ZNF615: variants seen among roughly 807,000 people sequenced by gnomAD.
ZNF615 encodes the protein zinc finger protein 615.
In ZNF615, 15 loss-of-function variants were observed where a neutral mutation model predicts 15.3. The observed-to-expected ratio is 0.98, with a 90% CI of 0.66 to 1.51. The LOEUF (loss-of-function observed/expected upper bound fraction) is 1.51, where lower values mean the gene tolerates loss of function less well. ZNF615 is among the 40% of genes most tolerant of loss of function. The pLI, the probability that ZNF615 is intolerant of heterozygous loss-of-function variation, is 0.00. For synonymous variants in ZNF615, 268 were observed against 294.6 expected, an observed-to-expected ratio of 0.91 and a Z score of 0.92; for missense variants, 848 against 895.9, an observed-to-expected ratio of 0.95 and a Z score of 0.68.
At chr19:51,999,198 G>A (rs537027530) in intron 6 of ZNF615, among the ~76,000 whole-genome samples, 6 of 152,196 alleles carry the variant, frequency 3.9e-5, no homozygotes, top group Admixed American at 6.5e-5. Flanking sequence ...ATGCATTGTC[G>A]AAAGAAGTCA....
At chr19:52,002,446 T>G (rs1283140469) in intron 3 of ZNF615, 165 bp from the exon 4 acceptor site, 2 of 979,162 alleles carry the variant, frequency 2.0e-6, no homozygotes, top group Non-Finnish European at 3.2e-6. Context: ...TCTGTAACTG[T>G]GCGGTCATCC....
chr19:51,994,625 C>T lies in ZNF615; in HGVS notation c.484G>A (p.Gly162Ser). The T allele has an allele frequency of 6.2e-7, 1 of 1,613,216 alleles. No homozygotes were observed. The highest frequency in any genetic ancestry group is 8.5e-7 in the Non-Finnish European group (1 of 1,179,898). The change falls in exon 7 of 7, where the codon GGC (glycine) becomes AGC (serine). Residue 162 changes from glycine to serine, a missense_variant. Gly to Ser is a moderately conservative substitution (Grantham distance 56). Coordinates refer to ENST00000598071, the MANE Select transcript of ZNF615 (RefSeq NM_001199324.2). ...LSFENQKRSS[G>S]LKNSAEFNRD... is the part of the protein sequence containing the mutation. Reference sequence around the variant, plus strand: ...TTAAACTCAGCAGAGTTCTTTAGGCCAGAGCTCCTTTTCTGGTTTTCAAAA... The same window carrying T: ...TTAAACTCAGCAGAGTTCTTTAGGCTAGAGCTCCTTTTCTGGTTTTCAAAA...
In ZNF615 at chr19:51,991,374, G is replaced by A. The variant is rs1425342887; in HGVS notation, c.*1506C>T. 6.6e-6 allele frequency: 1 copy of A among 152,158 alleles called. No homozygotes were observed. Among genetic ancestry groups the A allele is most frequent in the East Asian group, 1.9e-4 (1 of 5,200 alleles). The allele number at this position is 152,158 out of a possible 1,614,324, so 9.4% of individuals were successfully genotyped here. On this transcript the variant is annotated 3_prime_UTR_variant, in exon 7 of 7. Transcript: ENST00000598071. Reference sequence around the variant, plus strand: ...ATAGGATTTTTATTTGTAACAGTAAGAAAAACCGGGAACAAAACTAATGTC... The same window carrying A: ...ATAGGATTTTTATTTGTAACAGTAAAAAAAACCGGGAACAAAACTAATGTC...
chr19:52,001,916 T>C lies in ZNF615; in HGVS notation c.143-8A>G, dbSNP rs1397925129. On this transcript the variant is annotated splice_polypyrimidine_tract_variant and splice_region_variant and intron_variant, in intron 4 of 6. Coordinates refer to ENST00000598071, the MANE Select transcript of ZNF615 (RefSeq NM_001199324.2). ...GTTTGCTGGCTTGATACCCTGTTCA[T>C]GGGAAATGACAGAAGATTTAGACAA... 1.2e-6 allele frequency: 2 copies of C among 1,613,986 alleles called. No homozygotes were observed. The highest frequency in any genetic ancestry group is 1.3e-5 in the African/African-American group (1 of 75,026).
In ZNF615 at chr19:51,992,679, C is replaced by A; in HGVS notation, c.*201G>T. ...AAAGGCTTTTATAGTCTGCCACATT[C>A]ATAGGATTTTTCTCAGTATACAATT... is the stretch of plus-strand genomic sequence containing the variant. On this transcript the variant is annotated 3_prime_UTR_variant, in exon 7 of 7. Transcript: ENST00000598071. The A allele has an allele frequency of 1.6e-6, 1 of 635,772 alleles. No homozygotes were observed. 39.4% of individuals were successfully genotyped at this position (635,772 alleles called of 1,614,324 possible).
rs1290231750 is a variant in ZNF615, at chr19:51,993,834, A to G, written c.1275T>C (p.Cys425=). The G allele has an allele frequency of 6.2e-7, 1 of 1,613,984 alleles. No individual in the cohort carries two copies. Among genetic ancestry groups the G allele is most frequent in the Admixed American group, 1.7e-5 (1 of 60,020 alleles). The change falls in exon 7 of 7, where the codon TGT becomes TGC. Residue 425 remains cysteine, a synonymous_variant. Coordinates refer to ENST00000598071, the MANE Select transcript of ZNF615 (RefSeq NM_001199324.2). ...ECGKGFSMKH[C]LMVHQRTHTG... ...TATGAGTTCGTTGATGTACCATGAG[A>G]CAGTGCTTCATTGAAAAGCCTTTTC... is the stretch of plus-strand genomic sequence containing the variant.
At chr19:52,007,238 A>C in intron 2 of ZNF615, 55 bp downstream of exon 2, 1 of 1,112,818 alleles carries the variant, frequency 9.0e-7, no homozygotes, top group Admixed American at 2.3e-5. Context: ...TACACGTCTA[A>C]AATTGAAATA....
At chr19:52,007,270 T>C in intron 2 of ZNF615, 23 bp downstream of exon 2, 1 of 1,281,976 alleles carries the variant, frequency 7.8e-7, no homozygotes, top group African/African-American at 1.5e-5. Flanking sequence ...TGACAAAGGT[T>C]ATCTTTGAGT....
chr19:52,005,636 T>G (rs1488633297), intron 2 of ZNF615, among the ~76,000 whole-genome samples: 1 of 152,164 alleles, frequency 6.6e-6, no homozygotes, highest in Non-Finnish European at 1.5e-5. Flanking sequence ...AGAAAAGCCA[T>G]ATGGTCACCT....
In ZNF615 at chr19:51,994,538, G is replaced by A; in HGVS notation, c.571C>T (p.Pro191Ser). 6.2e-7 allele frequency: 1 copy of A among 1,614,110 alleles called. No homozygotes were observed. Among genetic ancestry groups the A allele is most frequent in the Admixed American group, 1.7e-5 (1 of 60,016 alleles). Residue 191 changes from proline to serine, a missense_variant, in exon 7 of 7, where the codon CCT (proline) becomes TCT (serine). Coordinates refer to ENST00000598071, the MANE Select transcript of ZNF615 (RefSeq NM_001199324.2). ...TTATTAATAGGTTTTGCAATTGCAG[G>A]AAACTTCATTTCAGTATAAAATTGT... ...HKQFYTEMKFPAIAKPINKSQ... is the reference protein window; with the variant it reads ...HKQFYTEMKFSAIAKPINKSQ...
chr19:51,994,575 A>T lies in ZNF615; in HGVS notation c.534T>A (p.His178Gln). Reference protein sequence around the residue: ...EFNRDGKSLFHANHKQFYTEM... With the variant: ...EFNRDGKSLFQANHKQFYTEM... ...CAGTATAAAATTGTTTATGGTTAGCATGAAAAAGGGATTTCCCATCTCTAT... is the reference window on the plus strand; with the variant it reads ...CAGTATAAAATTGTTTATGGTTAGCTTGAAAAAGGGATTTCCCATCTCTAT... Residue 178 changes from histidine to glutamine, a missense_variant, in exon 7 of 7, where the codon CAT becomes CAA. Coordinates refer to ENST00000598071, the MANE Select transcript of ZNF615 (RefSeq NM_001199324.2). The T allele has an allele frequency of 6.2e-7, 1 of 1,614,120 alleles. No homozygotes were observed. The highest frequency in any genetic ancestry group is 8.5e-7 in the Non-Finnish European group (1 of 1,180,014).
Position 51,992,755 on chromosome 19 carries a change from C to A in ZNF615, c.*125G>T, listed in dbSNP as rs1336223806. The A allele has an allele frequency of 2.6e-6, 3 of 1,153,810 alleles. No homozygotes were observed. In the African/African-American group the frequency reaches 4.7e-5, roughly 18 times the overall value. The allele number at this position is 1,153,810 out of a possible 1,614,324, so 71.5% of individuals were successfully genotyped here. A position where few individuals can be genotyped will look rare whatever the true frequency, so the allele number is the denominator to read the frequency against. Reference sequence around the variant, plus strand: ...TTCTCAAATGTTTTGTACATGTTTTCTCTGACACAAAACATGAAGTAACTG... The same window carrying A: ...TTCTCAAATGTTTTGTACATGTTTTATCTGACACAAAACATGAAGTAACTG... On this transcript the variant is annotated 3_prime_UTR_variant, in exon 7 of 7. Transcript: ENST00000598071.
chr19:51,993,076 A>T lies in ZNF615; in HGVS notation c.2033T>A (p.Leu678His). The T allele has an allele frequency of 6.2e-7, 1 of 1,614,198 alleles. No individual in the cohort carries two copies. The highest frequency in any genetic ancestry group is 8.5e-7 in the Non-Finnish European group (1 of 1,180,016). Residue 678 changes from leucine (L) to histidine (H), a missense_variant, in exon 7 of 7, where the codon CTT (leucine) becomes CAT (histidine). By Grantham distance (99) the Leu-to-His change is moderately conservative (BLOSUM62 -3). Transcript: ENST00000598071. ...TGTGTGAATTCTCTGATGTGTAATA[A>T]GATCATTTTTGCGCAAAGAGAATTT... ...CGKFSLRKND[L>H]ITHQRIHTGE...
Position 52,003,915 on chromosome 19 carries a change from A to G in ZNF615, c.-189-15T>C. On this transcript the variant is annotated splice_polypyrimidine_tract_variant and intron_variant, in intron 2 of 6. Transcript: ENST00000598071. Reference sequence around the variant, plus strand: ...GCACCTGTGGGCTGAAGAGCAAATTACTCTGAGTGGTACATTCTTTTTAGG... The same window carrying G: ...GCACCTGTGGGCTGAAGAGCAAATTGCTCTGAGTGGTACATTCTTTTTAGG... 7.4e-7 allele frequency: 1 copy of G among 1,359,088 alleles called. No individual in the cohort carries two copies. Among genetic ancestry groups the G allele is most frequent in the Non-Finnish European group, 9.5e-7 (1 of 1,057,316 alleles). 84.2% of individuals were successfully genotyped at this position (1,359,088 alleles called of 1,614,324 possible). A position where few individuals can be genotyped will look rare whatever the true frequency, so the allele number is the denominator to read the frequency against.
rs746501068 is a variant in ZNF615, at chr19:51,994,725, G to C, written c.384C>G (p.Asn128Lys). 2 of 1,613,720 alleles carry C rather than the reference G, an allele frequency of 1.2e-6. No individual in the cohort carries two copies. The highest frequency in any genetic ancestry group is 1.7e-6 in the Non-Finnish European group (2 of 1,179,972). The change falls in exon 7 of 7, where the codon AAC becomes AAG. Residue 128 changes from asparagine (N) to lysine (K), a missense_variant. Physicochemically the swap from Asn to Lys is moderately conservative, Grantham distance 94. Coordinates refer to ENST00000598071, the MANE Select transcript of ZNF615 (RefSeq NM_001199324.2). ...CTTGCTTCAGCAGGAAATGACCTTT[G>C]TTCTGATTAACAATATTTCCAAACA... Reference protein sequence around the residue: ...QNMFGNIVNQNKGHFLLKQDC... With the variant: ...QNMFGNIVNQKKGHFLLKQDC...
chr19:51,996,492 G>A (rs2086444888), intron 6 of ZNF615, among the ~76,000 whole-genome samples: 1 of 151,708 alleles, frequency 6.6e-6, no homozygotes, highest in Non-Finnish European at 1.5e-5. Flanking sequence ...GGAATGAAGG[G>A]AAAAATTTAG....
At chr19:51,998,007 CACAA>C (rs986067065) in intron 6 of ZNF615, among the ~76,000 whole-genome samples, 4 of 152,320 alleles carry the variant, frequency 2.6e-5, no homozygotes, top group Middle Eastern at 3.4e-3. Context: ...ATTTCACTGT[CACAA>C]ACTGTAATCA....
chr19:52,001,842 T>C lies in ZNF615; in HGVS notation c.209A>G (p.Glu70Gly). The change falls in exon 5 of 7, where the codon GAA (glutamate) becomes GGA (glycine). Residue 70 changes from glutamate to glycine, a missense_variant. Transcript: ENST00000598071. ...ACAGATTCGAGAGTAGATTTCATCT[T>C]CTGTTGTGCAAGTTTCTTCTCCTCG... ...LERGEETCTT[E>G]DEIYSRICSD... The C allele has an allele frequency of 6.2e-7, 1 of 1,614,122 alleles. No individual in the cohort carries two copies.
At chr19:51,994,929 A>T (rs1486012368) in intron 6 of ZNF615, 92 bp from the exon 7 acceptor site, 10 of 1,201,086 alleles carry the variant, frequency 8.3e-6, no homozygotes, top group Non-Finnish European at 1.0e-5. Flanking sequence ...GTGTGAGGTG[A>T]CTCTTTAGTG....
Sources: allele counts gnomAD v4.1 joint callset (sites outside exome capture counted in the v4.1 genomes callset), GRCh38; gene constraint gnomAD v4.1.1; transcripts MANE v1.5; gene names NCBI Gene and HGNC (gene_info 2026-07-23, HGNC 2026-07-21).